TAX1BP1: variants seen among roughly 807,000 people sequenced by gnomAD.
TAX1BP1 encodes the protein tax1-binding protein 1.
A neutral mutation model predicts 97.7 loss-of-function variants in TAX1BP1; 62 were observed. The observed-to-expected ratio is 0.63, with a 90% CI of 0.52 to 0.78. The LOEUF is 0.78. TAX1BP1 is among the 30% of genes least tolerant of loss of function. TAX1BP1 has a pLI of 0.00. For missense variants in TAX1BP1, 867 were observed against 916.1 expected (o/e 0.95, Z 0.69); for synonymous variants, 340 against 304.2 (o/e 1.12, Z -1.23).
At chr7:27,741,575 A>G (rs1266518872) in intron 1 of TAX1BP1, among the ~76,000 whole-genome samples, 1 of 149,336 alleles carries the variant, frequency 6.7e-6, no homozygotes, top group Admixed American at 6.7e-5. Context: ...ATCGCGGCTC[A>G]TTGCAACCTC....
At chr7:27,800,217 A>G (rs532867274) in intron 13 of TAX1BP1, 127 bp downstream of exon 13, 1 of 897,502 alleles carries the variant, frequency 1.1e-6, no homozygotes, top group Non-Finnish European at 1.6e-6. Context: ...ACAAATAAAA[A>G]TGTACTATAT....
In TAX1BP1 at chr7:27,827,787, G is replaced by A. The variant is rs112084378; in HGVS notation, c.2135G>A (p.Arg712His). 2.7e-5 allele frequency: 44 copies of A among 1,613,892 alleles called. 1 individual carries two copies. In the Admixed American group the frequency reaches 2.8e-4, roughly 10 times the overall value. ...TAPDPPSQHLRGHGTGFCFDS... is the reference protein window; with the variant it reads ...TAPDPPSQHLHGHGTGFCFDS... Reference sequence around the variant, plus strand: ...CCTGATCCTCCAAGTCAACATTTACGTGGGCATGGGACAGGCTTTTGCTTT... The same window carrying A: ...CCTGATCCTCCAAGTCAACATTTACATGGGCATGGGACAGGCTTTTGCTTT... Residue 712 changes from arginine (R) to histidine (H), a missense_variant, in exon 16 of 17, where the codon CGT becomes CAT. Physicochemically the swap from Arg to His is conservative, Grantham distance 29. Transcript: ENST00000396319.
chr7:27,796,959 A>T (rs1483752601), intron 12 of TAX1BP1, among the ~76,000 whole-genome samples: 1 of 151,760 alleles, frequency 6.6e-6, no homozygotes, highest in African/African-American at 2.4e-5. Context: ...TAACCAAATG[A>T]ATTGTCTCTT....
At chr7:27,821,969 A>T (rs1236411327) in intron 15 of TAX1BP1, among the ~76,000 whole-genome samples, 1 of 152,180 alleles carries the variant, frequency 6.6e-6, no homozygotes, top group African/African-American at 2.4e-5. Context: ...ATGTTTTCAA[A>T]GTTATCCATG....
Position 27,769,269 on chromosome 7 carries a change from G to T in TAX1BP1, c.454-407G>T, listed in dbSNP as rs182650199. 1.3e-4 allele frequency among the ~76,000 whole-genome samples: 20 copies of T among 152,026 alleles called. No individual in the cohort carries two copies. The East Asian group carries it at 3.5e-3, about 26-fold the overall frequency. ...TATACCATATAGTAAGTTTGTGATA[G>T]ATTCAAAGATTTCCTATAGGTTTGC... On this transcript the variant is annotated intron_variant, in intron 4 of 16. Coordinates refer to ENST00000396319, the MANE Select transcript of TAX1BP1 (RefSeq NM_006024.7).
chr7:27,804,561 G>T (rs1790262441), intron 13 of TAX1BP1, among the ~76,000 whole-genome samples: 1 of 152,206 alleles, frequency 6.6e-6, no homozygotes, highest in East Asian at 1.9e-4. Flanking sequence ...TTAGATGCCA[G>T]TTACAAGTGA....
intron 2 of TAX1BP1, among the ~76,000 whole-genome samples, chr7:27,754,247 C>G (rs1368243484): frequency 2.6e-5 from 4 of 151,668 alleles, no homozygotes; most frequent in Non-Finnish European, 5.9e-5. Context: ...TTTCTTTGTT[C>G]CTTGTTTTTC....
At chr7:27,775,494 T>C (rs776442673) in intron 5 of TAX1BP1, among the ~76,000 whole-genome samples, 12 of 152,160 alleles carry the variant, frequency 7.9e-5, no homozygotes, top group South Asian at 4.1e-4. Context: ...GTGGTAGCTT[T>C]GTAATATGTC....
intron 3 of TAX1BP1, 95 bp downstream of exon 3, chr7:27,758,228 C>G (rs937135393): frequency 1.9e-5 from 18 of 959,340 alleles, no homozygotes; most frequent in Non-Finnish European, 2.8e-5. Flanking sequence ...CAGGTATCTC[C>G]AGGGTACCAA....
intron 4 of TAX1BP1, among the ~76,000 whole-genome samples, chr7:27,768,336 A>G (rs1788718163): frequency 2.0e-5 from 3 of 152,008 alleles, no homozygotes; most frequent in African/African-American, 2.4e-5. Flanking sequence ...AATTTTAACT[A>G]TTTTGTATGC....
At chr7:27,756,887 T>G (rs573689864) in intron 2 of TAX1BP1, among the ~76,000 whole-genome samples, 1 of 152,098 alleles carries the variant, frequency 6.6e-6, no homozygotes, top group Admixed American at 6.5e-5. Flanking sequence ...CAAAGTAAAT[T>G]GTAAGATTTG....
intron 13 of TAX1BP1, among the ~76,000 whole-genome samples, chr7:27,800,343 A>T (rs1790085845): frequency 6.6e-6 from 1 of 152,154 alleles, no homozygotes; most frequent in South Asian, 2.1e-4. Flanking sequence ...TACATCTTTT[A>T]ATTGTGTTTA....
intron 10 of TAX1BP1, among the ~76,000 whole-genome samples, chr7:27,793,935 A>C (rs971965731): frequency 6.6e-5 from 10 of 152,352 alleles, no homozygotes; most frequent in African/African-American, 2.2e-4. Flanking sequence ...GAGACAAGCA[A>C]GGAATGCATG....
At chr7:27,822,026 G>A (rs774301109) in intron 15 of TAX1BP1, among the ~76,000 whole-genome samples, 3 of 152,134 alleles carry the variant, frequency 2.0e-5, no homozygotes, top group Non-Finnish European at 4.4e-5. Context: ...TTTTATTCTT[G>A]TTTGTTTGGG....
At chr7:27,784,833 A>G (rs1789413266) in intron 5 of TAX1BP1, among the ~76,000 whole-genome samples, 1 of 151,848 alleles carries the variant, frequency 6.6e-6, no homozygotes, top group African/African-American at 2.4e-5. Flanking sequence ...TAAAAAAAAA[A>G]TTAGCCAGGC....
At chr7:27,760,478 C>T (rs1220184633) in intron 3 of TAX1BP1, among the ~76,000 whole-genome samples, 3 of 151,150 alleles carry the variant, frequency 2.0e-5, no homozygotes, top group East Asian at 2.0e-4. Context: ...TTGCAAGCTC[C>T]GCCTCCTTAG....
intron 2 of TAX1BP1, among the ~76,000 whole-genome samples, chr7:27,756,611 T>C (rs1788225965): frequency 6.6e-6 from 1 of 152,148 alleles, no homozygotes; most frequent in Non-Finnish European, 1.5e-5. Context: ...AAATTATCTT[T>C]TCTGGTATTC....
Position 27,801,130 on chromosome 7 carries a change from G to GAA in TAX1BP1, c.1764+1051_1764+1052dup, listed in dbSNP as rs11465183. On this transcript the variant is annotated intron_variant, in intron 13 of 16. Transcript: ENST00000396319. The stretch of plus-strand genomic sequence containing the variant: ...AAAAAAAAAAAAAAAGAATGTTAGA[G>GAA]AAAAAAAAAAAACAGGCTGTCCAGC... 3.5e-3 allele frequency among the ~76,000 whole-genome samples: 460 copies of GAA among 132,332 alleles called. 2 individuals are homozygous for GAA. The highest frequency in any genetic ancestry group is 9.7e-3 in the African/African-American group (351 of 36,236). The allele number at this position is 132,332 out of a possible 152,430, so 86.8% of individuals were successfully genotyped here. A position where few individuals can be genotyped will look rare whatever the true frequency, so the allele number is the denominator to read the frequency against.
rs1782617859 is a variant in TAX1BP1 at position 27,829,468 on chromosome 7, T to TATC, written c.*640_*642dup. The TATC allele has an allele frequency of 6.6e-6, 1 of 152,226 alleles. No homozygotes were observed. The highest frequency in any genetic ancestry group is 2.4e-5 in the African/African-American group (1 of 41,458). 9.4% of individuals were successfully genotyped at this position (152,226 alleles called of 1,614,324 possible). On this transcript the variant is annotated 3_prime_UTR_variant, in exon 17 of 17. Coordinates refer to ENST00000396319, the MANE Select transcript of TAX1BP1 (RefSeq NM_006024.7). ...ATAACCTGAATGATTATTTTTAAAC[T>TATC]ATCTTGAAGTTGTATGTATATATCT...
Sources: allele counts gnomAD v4.1 joint callset (sites outside exome capture counted in the v4.1 genomes callset), GRCh38; gene constraint gnomAD v4.1.1; transcripts MANE v1.5; gene names NCBI Gene and HGNC (gene_info 2026-07-23, HGNC 2026-07-21).